INSC: variants seen among roughly 807,000 people sequenced by gnomAD.
The protein encoded by INSC is INSC spindle orientation adaptor protein.
A neutral mutation model predicts 58.6 loss-of-function variants in INSC; 67 were observed. The observed-to-expected ratio is 1.14, with a 90% CI of 0.94 to 1.40. The LOEUF (loss-of-function observed/expected upper bound fraction) is 1.40, where lower values mean the gene tolerates loss of function less well. INSC is among the 40% of genes most tolerant of loss of function. The probability of loss-of-function intolerance (pLI) is 0.00; values close to 1 mark genes in which losing one functional copy is unlikely to be tolerated. For missense variants in INSC, 714 were observed against 692.0 expected, an observed-to-expected ratio of 1.03 and a Z score of -0.36; for synonymous variants, 262 against 276.1, an observed-to-expected ratio of 0.95 and a Z score of 0.51.
chr11:15,149,355 C>A, intron 2 of INSC, 125 bp downstream of exon 2: 1 of 955,762 alleles, frequency 1.0e-6, no homozygotes, highest in East Asian at 3.1e-5. Flanking sequence ...GGGAGGATGC[C>A]GAGCATAAGG....
At chr11:15,216,046 G>A (rs1851206269) in intron 7 of INSC, among the ~76,000 whole-genome samples, 1 of 152,216 alleles carries the variant, frequency 6.6e-6, no homozygotes, top group African/African-American at 2.4e-5. Context: ...AAGAGGGCTA[G>A]GTTTAGGGGT....
At chr11:15,114,802 G>A (rs1005052553), upstream of INSC, 3 of 286,092 alleles carry the variant, frequency 1.0e-5, no homozygotes, top group South Asian at 4.2e-4. Context: ...CAGGGAGCGC[G>A]CTGCTGTGGA....
At chr11:15,124,078 G>T (rs1380218301) in intron 1 of INSC, among the ~76,000 whole-genome samples, 1 of 152,078 alleles carries the variant, frequency 6.6e-6, no homozygotes, top group East Asian at 1.9e-4. Context: ...ATCTCCTCTT[G>T]TTCATTCACC....
rs368159941 is a variant in INSC, at chr11:15,238,537, C to A, written c.1238-382C>A. Among the ~76,000 whole-genome samples the A allele has an allele frequency of 3.9e-5, 6 of 152,158 alleles. No individual in the cohort carries two copies. The East Asian group carries it at 1.2e-3, about 29-fold the overall frequency. ...CAACTGCTAACCATGTGACACTGGG[C>A]AAGATACTTCACTTCTTTCTGGGCT... On this transcript the variant is annotated intron_variant, in intron 10 of 12. Transcript: ENST00000379556.
intron 2 of INSC, among the ~76,000 whole-genome samples, chr11:15,151,947 A>T (rs1405326042): frequency 2.0e-5 from 3 of 152,210 alleles, no homozygotes; most frequent in Non-Finnish European, 2.9e-5. Flanking sequence ...TCAGGGTGGC[A>T]ATACTGATTA....
At chr11:15,263,736 T>C in the INSC span, among the ~76,000 whole-genome samples, 1 of 152,126 alleles carries the variant, frequency 6.6e-6, no homozygotes, top group Admixed American at 6.6e-5. Context: ...AATCAAGCTG[T>C]CAGCCAGCTG....
At chr11:15,198,677 T>C (rs1351924176) in intron 6 of INSC, among the ~76,000 whole-genome samples, 1 of 152,096 alleles carries the variant, frequency 6.6e-6, no homozygotes, top group Non-Finnish European at 1.5e-5. Context: ...TCCATATATA[T>C]GTATATATAT....
Position 15,225,761 on chromosome 11 carries a change from C to A in INSC, c.1103C>A (p.Ala368Asp), listed in dbSNP as rs61748861. 7,687 of 1,613,982 alleles carry A rather than the reference C, an allele frequency of 4.8e-3. 22 individuals are homozygous for A. Among genetic ancestry groups the A allele is most frequent in the Non-Finnish European group, 5.2e-3 (6,164 of 1,179,924 alleles). Residue 368 changes from alanine to aspartate, a missense_variant, in exon 9 of 13, where the codon GCC becomes GAC. Coordinates refer to ENST00000379556, the MANE Select transcript of INSC (RefSeq NM_001042536.3). ...MACEMLLQLN[A>D]IRVLLEACSD... is the part of the protein sequence containing the mutation. ...TGCGAGATGCTCCTGCAGTTGAATG[C>A]CATCCGTGTTCTCCTGGAAGCCTGC... is the stretch of plus-strand genomic sequence containing the variant.
chr11:15,196,532 C>T lies in INSC; in HGVS notation c.694-4292C>T, dbSNP rs537359181. ...ATCAGTATTTCCTCTTTTTCTGCTCCTGGTCCACTGCACAGTAATCAGCTT... is the reference window on the plus strand; with the variant it reads ...ATCAGTATTTCCTCTTTTTCTGCTCTTGGTCCACTGCACAGTAATCAGCTT... On this transcript the variant is annotated intron_variant, in intron 6 of 12. Transcript: ENST00000379556. Among the ~76,000 whole-genome samples, 57 of 152,200 alleles carry T rather than the reference C, an allele frequency of 3.7e-4. 1 individual carries two copies. The Middle Eastern group carries it at 0.02, about 54-fold the overall frequency.
chr11:15,185,240 G>A (rs1849920377), intron 5 of INSC, among the ~76,000 whole-genome samples: 1 of 152,082 alleles, frequency 6.6e-6, no homozygotes, highest in South Asian at 2.1e-4. Context: ...TGACTCAAGG[G>A]GTTAAGCAAT....
downstream of INSC, among the ~76,000 whole-genome samples, chr11:15,247,733 G>A (rs1453727285): frequency 2.0e-4 from 26 of 127,490 alleles, no homozygotes; most frequent in South Asian, 2.5e-4. Context: ...TAGAAATAAG[G>A]TATATATATA....
chr11:15,176,094 G>T lies in INSC; in HGVS notation c.402+8G>T, dbSNP rs1564885700. ...TTGAAGGAAATGGGCGAGGTCAGCT[G>T]CCCTGGGATAGGAGTGGGCGGGAAC... On this transcript the variant is annotated splice_region_variant and intron_variant, in intron 3 of 12. Coordinates refer to ENST00000379556, the MANE Select transcript of INSC (RefSeq NM_001042536.3). 6.0e-6 allele frequency: 9 copies of T among 1,503,846 alleles called. No individual in the cohort carries two copies. The South Asian group carries it at 1.2e-4, about 19-fold the overall frequency. 93.2% of individuals were successfully genotyped at this position (1,503,846 alleles called of 1,614,324 possible).
intron 1 of INSC, among the ~76,000 whole-genome samples, chr11:15,146,596 A>G (rs1848498557): frequency 1.3e-5 from 2 of 152,114 alleles, no homozygotes; most frequent in Non-Finnish European, 2.9e-5. Context: ...AAAAATCAAG[A>G]TATATTAGGC....
chr11:15,113,885 C>G (rs964618956), upstream of INSC, among the ~76,000 whole-genome samples: 2 of 152,038 alleles, frequency 1.3e-5, no homozygotes, highest in Admixed American at 6.6e-5. Flanking sequence ...TCGGCGTGGT[C>G]GTTTTGTCAT....
upstream of INSC, chr11:15,112,277 G>A (rs1847586994): frequency 6.3e-6 from 3 of 476,182 alleles, no homozygotes; most frequent in African/African-American, 2.0e-5. Flanking sequence ...CAGAGGGGAG[G>A]GGGTCGAGGG....
chr11:15,148,132 A>G (rs191832090), intron 1 of INSC, among the ~76,000 whole-genome samples: 236 of 152,318 alleles, frequency 1.5e-3, no homozygotes, highest in African/African-American at 5.3e-3. Flanking sequence ...GGCACAGGGA[A>G]GCCAGTTGCA....
intron 2 of INSC, among the ~76,000 whole-genome samples, chr11:15,149,753 G>A (rs1848591257): frequency 6.6e-6 from 1 of 152,162 alleles, no homozygotes; most frequent in Non-Finnish European, 1.5e-5. Flanking sequence ...GAGACACTTG[G>A]GGCCACCAGA....
chr11:15,189,054 CAATT>C (rs1449856853), intron 5 of INSC, among the ~76,000 whole-genome samples: 2 of 152,270 alleles, frequency 1.3e-5, no homozygotes, highest in East Asian at 3.9e-4. Context: ...ATTAAATACA[CAATT>C]AATCTTAGAC....
intron 7 of INSC, among the ~76,000 whole-genome samples, chr11:15,217,549 C>T (rs1437605024): frequency 6.6e-6 from 1 of 152,090 alleles, no homozygotes; most frequent in Non-Finnish European, 1.5e-5. Flanking sequence ...GTGTGGGGCG[C>T]TTGAGTGGCC....
Sources: gnomAD v4.1 joint callset for allele counts (sites outside exome capture counted in the v4.1 genomes callset) on GRCh38, gnomAD v4.1.1 for gene constraint, MANE v1.5 for transcripts, NCBI Gene and HGNC (gene_info 2026-07-23, HGNC 2026-07-21) for gene names.